EPB41L4A: variants seen among roughly 807,000 people sequenced by gnomAD.
EPB41L4A encodes the protein erythrocyte membrane protein band 4.1 like 4A, also known as band 4.1-like protein 4A.
Under a neutral mutation model 108.6 loss-of-function variants are expected in EPB41L4A, and 100 were observed. That is an observed-to-expected ratio of 0.92 (90% CI 0.78 to 1.09). EPB41L4A has a LOEUF of 1.09. EPB41L4A is among the 50% of genes least tolerant of loss of function. The pLI is 0.00. For synonymous variants in EPB41L4A, 319 were observed against 289.0 expected (o/e 1.10, Z -1.05); for missense variants, 1,030 against 842.7 (o/e 1.22, Z -2.75).
rs1055798419 is a variant in EPB41L4A at position 112,163,260 on chromosome 5, T to G, written c.*1730A>C. ...TGTCCATAACTGCTAGGTGTCCAGC[T>G]TGCACACTGATGAGCATAATGACCC... On this transcript the variant is annotated 3_prime_UTR_variant, in exon 23 of 23. Transcript: ENST00000261486. 3.3e-5 allele frequency: 5 copies of G among 152,182 alleles called. No individual in the cohort carries two copies. The highest frequency in any genetic ancestry group is 4.1e-4 in the South Asian group (2 of 4,830). 9.4% of individuals were successfully genotyped at this position (152,182 alleles called of 1,614,324 possible). A position where few individuals can be genotyped will look rare whatever the true frequency, so the allele number is the denominator to read the frequency against.
chr5:112,386,926 C>A (rs1370368887), intron 1 of EPB41L4A, among the ~76,000 whole-genome samples: 1 of 152,194 alleles, frequency 6.6e-6, no homozygotes, highest in African/African-American at 2.4e-5. Flanking sequence ...ATCCCCACTC[C>A]CACCGACCTC....
At chr5:112,262,617 C>T (rs775272349) in intron 6 of EPB41L4A, 36 bp from the exon 7 acceptor site, 32 of 1,537,306 alleles carry the variant, frequency 2.1e-5, no homozygotes, top group Non-Finnish European at 2.9e-5. Flanking sequence ...CCTTATTTTA[C>T]AGCAGCTACT....
At chr5:112,180,174 C>T (rs1761074471) in intron 18 of EPB41L4A, among the ~76,000 whole-genome samples, 1 of 151,880 alleles carries the variant, frequency 6.6e-6, no homozygotes, top group Admixed American at 6.6e-5. Flanking sequence ...CAACATATTC[C>T]TAGTCAAAAG....
chr5:112,364,104 T>C (rs1352289224), intron 1 of EPB41L4A, among the ~76,000 whole-genome samples: 1 of 152,212 alleles, frequency 6.6e-6, no homozygotes, highest in African/African-American at 2.4e-5. Flanking sequence ...CTCAGCTCAC[T>C]GCAAACTCTG....
At chr5:112,294,140 T>C (rs563643348) in intron 2 of EPB41L4A, among the ~76,000 whole-genome samples, 1 of 152,366 alleles carries the variant, frequency 6.6e-6, no homozygotes, top group East Asian at 1.9e-4. Context: ...GTACCTGTTG[T>C]TTCTTATAAT....
chr5:112,254,183 T>C (rs116134889), intron 9 of EPB41L4A, among the ~76,000 whole-genome samples: 1 of 152,222 alleles, frequency 6.6e-6, no homozygotes, highest in Non-Finnish European at 1.5e-5. Flanking sequence ...TACATGCCAA[T>C]TTCTGGGCTT....
chr5:112,321,798 C>G (rs1407700531), intron 1 of EPB41L4A, among the ~76,000 whole-genome samples: 1 of 152,108 alleles, frequency 6.6e-6, no homozygotes. Flanking sequence ...TGTATTTAAC[C>G]TATACTAACT....
At chr5:112,168,564 G>A (rs377041051) in intron 22 of EPB41L4A, among the ~76,000 whole-genome samples, 175 bp downstream of exon 22, 1 of 152,152 alleles carries the variant, frequency 6.6e-6, no homozygotes, top group African/African-American at 2.4e-5. Flanking sequence ...CAGGGTTCTT[G>A]ATCATGCACT....
rs535135147 is a variant in EPB41L4A, at chr5:112,356,101, G to A, written c.100-48611C>T. Among the ~76,000 whole-genome samples the A allele has an allele frequency of 3.3e-5, 5 of 152,252 alleles. No homozygotes were observed. The East Asian group carries it at 7.7e-4, about 24-fold the overall frequency. ...TGTTAAATTTTGGAAGGGGGGTAAG[G>A]TGGGGATTGTATAAAACTTAATACT... On this transcript the variant is annotated intron_variant, in intron 1 of 22. Transcript: ENST00000261486.
chr5:112,389,117 G>A (rs1760761790), intron 1 of EPB41L4A, among the ~76,000 whole-genome samples: 1 of 151,910 alleles, frequency 6.6e-6, no homozygotes, highest in South Asian at 2.1e-4. Flanking sequence ...ACAACAACAG[G>A]AGAAAAAACA....
chr5:112,419,684 C>A, upstream of EPB41L4A: 2 of 456,656 alleles, frequency 4.4e-6, no homozygotes, highest in Non-Finnish European at 8.8e-6. Flanking sequence ...GTCGTCGCTC[C>A]GTCCGCTACC....
At chr5:112,325,738 T>G (rs966220204) in intron 1 of EPB41L4A, among the ~76,000 whole-genome samples, 1 of 152,224 alleles carries the variant, frequency 6.6e-6, no homozygotes, top group Non-Finnish European at 1.5e-5. Flanking sequence ...CCAGCCCTAC[T>G]TGCAACCTCG....
At chr5:112,339,107 G>C (rs916618016) in intron 1 of EPB41L4A, among the ~76,000 whole-genome samples, 6 of 152,128 alleles carry the variant, frequency 3.9e-5, no homozygotes, top group African/African-American at 1.4e-4. Flanking sequence ...CCTGGCGACT[G>C]GGTTTAGGTG....
At chr5:112,159,030 T>C (rs993666798), downstream of EPB41L4A, among the ~76,000 whole-genome samples, 2 of 152,258 alleles carry the variant, frequency 1.3e-5, no homozygotes, top group African/African-American at 4.8e-5. Flanking sequence ...AGTGACTTCC[T>C]AATGAAGTCT....
At chr5:112,181,126 T>C (rs979065715) in intron 18 of EPB41L4A, among the ~76,000 whole-genome samples, 21 of 152,232 alleles carry the variant, frequency 1.4e-4, no homozygotes, top group Admixed American at 5.9e-4. Context: ...TGACCCAACC[T>C]TTCTGGAAAT....
intron 4 of EPB41L4A, among the ~76,000 whole-genome samples, chr5:112,274,322 CATCA>C (rs1317386494): frequency 4.6e-5 from 7 of 152,000 alleles, no homozygotes; most frequent in East Asian, 1.9e-4. Context: ...ATAATCTTTT[CATCA>C]ATCAATCAAT....
At chr5:112,218,871 A>T (rs74646107) in intron 12 of EPB41L4A, among the ~76,000 whole-genome samples, 4,336 of 152,188 alleles carry the variant, frequency 0.028, 219 homozygotes, top group African/African-American at 0.1. Flanking sequence ...GATACCTAAA[A>T]TTTTTCATGA....
In EPB41L4A at chr5:112,322,390, G is replaced by C. The variant is rs149576625; in HGVS notation, c.100-14900C>G. Among the ~76,000 whole-genome samples, 32 of 152,280 alleles carry C rather than the reference G, an allele frequency of 2.1e-4. No homozygotes were observed. In the East Asian group the frequency reaches 5.2e-3, roughly 25 times the overall value. On this transcript the variant is annotated intron_variant, in intron 1 of 22. Transcript: ENST00000261486. ...ACTGGGAGAACTAAAGTTTGAGTAT[G>C]AGGCCAAAGCTCTATCAAAACTGCT...
chr5:112,237,751 C>T (rs1347743518), intron 11 of EPB41L4A, among the ~76,000 whole-genome samples: 1 of 152,124 alleles, frequency 6.6e-6, no homozygotes, highest in East Asian at 1.9e-4. Context: ...GCTAATGAAC[C>T]CCCAGCAATC....
Sources: allele counts gnomAD v4.1 joint callset (sites outside exome capture counted in the v4.1 genomes callset), GRCh38; gene constraint gnomAD v4.1.1; transcripts MANE v1.5; gene names NCBI Gene and HGNC (gene_info 2026-07-23, HGNC 2026-07-21).